The following NCOA2 variants were observed in gnomAD, a reference collection of about 807,000 sequenced individuals.
NCOA2 encodes nuclear receptor coactivator 2.
Under a neutral mutation model 145.1 loss-of-function variants are expected in NCOA2, and 21 were observed. The observed-to-expected ratio is 0.14, with a 90% CI of 0.10 to 0.21. The LOEUF (loss-of-function observed/expected upper bound fraction) is 0.21, where lower values mean the gene tolerates loss of function less well. NCOA2 is among the 10% of genes least tolerant of loss of function. NCOA2 has a pLI of 1.00. For synonymous variants in NCOA2, 619 were observed against 637.5 expected, an observed-to-expected ratio of 0.97 and a Z score of 0.44; for missense variants, 1,472 against 1,837.6, an observed-to-expected ratio of 0.80 and a Z score of 3.64.
At chr8:70,261,215 A>T in intron 2 of NCOA2, among the ~76,000 whole-genome samples, 1 of 152,248 alleles carries the variant, frequency 6.6e-6, no homozygotes, top group Non-Finnish European at 1.5e-5. Flanking sequence ...ATGTCCAACA[A>T]TGATAGATTG....
chr8:70,394,211 G>A (rs1020423314), intron 1 of NCOA2, among the ~76,000 whole-genome samples: 7 of 152,058 alleles, frequency 4.6e-5, no homozygotes, highest in East Asian at 1.9e-4. Context: ...GCTGGAGTGC[G>A]ATGGCGCAAT....
intron 2 of NCOA2, among the ~76,000 whole-genome samples, chr8:70,220,080 A>T (rs1190545261): frequency 6.6e-6 from 1 of 152,258 alleles, no homozygotes; most frequent in Non-Finnish European, 1.5e-5. Flanking sequence ...CTCTATGGAC[A>T]GAGGAATTTT....
chr8:70,193,132 A>G (rs1441517913), intron 4 of NCOA2, among the ~76,000 whole-genome samples: 1 of 151,886 alleles, frequency 6.6e-6, no homozygotes, highest in African/African-American at 2.4e-5. Context: ...GATATATAAC[A>G]TGAAGAACAG....
chr8:70,260,813 A>G (rs1290870884), intron 2 of NCOA2, among the ~76,000 whole-genome samples: 2 of 152,254 alleles, frequency 1.3e-5, no homozygotes, highest in African/African-American at 4.8e-5. Flanking sequence ...ACACTTCTCA[A>G]AAGAAGACAT....
At chr8:70,248,911 T>C (rs1822853203) in intron 2 of NCOA2, among the ~76,000 whole-genome samples, 1 of 151,842 alleles carries the variant, frequency 6.6e-6, no homozygotes, top group South Asian at 2.1e-4. Context: ...TGTATGAATA[T>C]ACCACAGTTT....
intron 2 of NCOA2, among the ~76,000 whole-genome samples, chr8:70,261,154 T>C (rs1177286011): frequency 6.6e-6 from 1 of 152,178 alleles, no homozygotes; most frequent in Non-Finnish European, 1.5e-5. Flanking sequence ...CATGTACACA[T>C]ATGTTTATTG....
At chr8:70,302,337 T>C (rs1247240341) in intron 1 of NCOA2, among the ~76,000 whole-genome samples, 1 of 152,158 alleles carries the variant, frequency 6.6e-6, no homozygotes, top group East Asian at 1.9e-4. Flanking sequence ...CTAATAAGCA[T>C]CTAGACCTCA....
rs1811352567 is a variant in NCOA2 at position 70,148,419 on chromosome 8, T to C, written c.2459A>G (p.Gln820Arg). Reference protein sequence around the residue: ...LDDLQNSQLPQLFPDTRPGAP... With the variant: ...LDDLQNSQLPRLFPDTRPGAP... ...GCCTGGCCTCGTGTCTGGGAAAAGC[T>C]GTGGTAATTGACTATTCTGCAAATC... The change falls in exon 12 of 23, where the codon CAG becomes CGG. Residue 820 changes from glutamine to arginine, a missense_variant. Coordinates refer to ENST00000452400, the MANE Select transcript of NCOA2 (RefSeq NM_006540.4). The C allele has an allele frequency of 6.2e-7, 1 of 1,613,806 alleles. No individual in the cohort carries two copies. Among genetic ancestry groups the C allele is most frequent in the South Asian group, 1.1e-5 (1 of 91,086 alleles).
At chr8:70,309,436 G>A (rs1828137689) in intron 1 of NCOA2, among the ~76,000 whole-genome samples, 1 of 149,940 alleles carries the variant, frequency 6.7e-6, no homozygotes, top group African/African-American at 2.4e-5. Context: ...CACAAAAAAG[G>A]ATTACGATGC....
At chr8:70,150,987 A>G (rs868628728) in intron 11 of NCOA2, among the ~76,000 whole-genome samples, 25 of 152,196 alleles carry the variant, frequency 1.6e-4, no homozygotes, top group African/African-American at 4.8e-4. Context: ...TGAGAAGGTT[A>G]TATCTGTTCT....
chr8:70,392,024 GGTA>G (rs1225300252), intron 1 of NCOA2, among the ~76,000 whole-genome samples: 3 of 152,156 alleles, frequency 2.0e-5, no homozygotes, highest in Non-Finnish European at 4.4e-5. Context: ...CCGTGGAGAG[GGTA>G]GGAGGAGAAA....
chr8:70,415,276 C>T, the NCOA2 span, among the ~76,000 whole-genome samples: 21 of 151,852 alleles, frequency 1.4e-4, no homozygotes, highest in African/African-American at 4.6e-4. Context: ...CTTCAGTGAG[C>T]CATGTTCACA....
At chr8:70,439,378 G>A in the NCOA2 span, among the ~76,000 whole-genome samples, 1 of 152,138 alleles carries the variant, frequency 6.6e-6, no homozygotes, top group African/African-American at 2.4e-5. Context: ...GTGAGAAGGA[G>A]GAACAGGGAA....
At chr8:70,163,319 C>T (rs926052887) in intron 8 of NCOA2, 146 bp downstream of exon 8, 45 of 625,372 alleles carry the variant, frequency 7.2e-5, no homozygotes, top group Admixed American at 4.7e-4. Flanking sequence ...GCTCTCTCTC[C>T]GGTCCTCCAA....
chr8:70,243,712 A>C (rs1822355555), intron 2 of NCOA2, among the ~76,000 whole-genome samples: 2 of 151,680 alleles, frequency 1.3e-5, no homozygotes, highest in Admixed American at 1.3e-4. Context: ...TGTAACCCTG[A>C]AAATGGTATG....
chr8:70,142,497 G>A (rs775278088), intron 13 of NCOA2, among the ~76,000 whole-genome samples: 2 of 152,092 alleles, frequency 1.3e-5, no homozygotes, highest in African/African-American at 4.8e-5. Context: ...CCAGGAATTC[G>A]AGGTGAGCCT....
chr8:70,386,008 G>A (rs1812629508), intron 1 of NCOA2, among the ~76,000 whole-genome samples: 1 of 152,156 alleles, frequency 6.6e-6, no homozygotes, highest in East Asian at 1.9e-4. Context: ...ACGCAAGAGT[G>A]AGCCCAAACA....
intron 1 of NCOA2, among the ~76,000 whole-genome samples, chr8:70,388,624 C>T (rs551817169): frequency 7.3e-4 from 111 of 152,292 alleles, no homozygotes; most frequent in African/African-American, 2.4e-3. Context: ...TCTTTGTATA[C>T]TAGTGTCTGC....
intron 20 of NCOA2, among the ~76,000 whole-genome samples, 169 bp downstream of exon 20, chr8:70,124,519 G>A (rs1299100129): frequency 3.3e-5 from 5 of 152,040 alleles, no homozygotes; most frequent in Admixed American, 6.6e-5. Context: ...AGGTACCACC[G>A]ACCAATTTAT....
Sources: gnomAD v4.1 joint callset for allele counts (sites outside exome capture counted in the v4.1 genomes callset) on GRCh38, gnomAD v4.1.1 for gene constraint, MANE v1.5 for transcripts, NCBI Gene and HGNC (gene_info 2026-07-23, HGNC 2026-07-21) for gene names.